The following ADAMTS19 variants were observed in gnomAD, a reference collection of about 807,000 sequenced individuals.
ADAMTS19 encodes ADAM metallopeptidase with thrombospondin type 1 motif 19, also known as A disintegrin and metalloproteinase with thrombospondin motifs 19.
Under a neutral mutation model 153.3 loss-of-function variants are expected in ADAMTS19, and 93 were observed. The observed-to-expected ratio is 0.61, with a 90% CI of 0.51 to 0.72. The LOEUF is 0.72. Ranked by LOEUF, ADAMTS19 falls within the 30% of genes least tolerant of loss-of-function variation. The probability of loss-of-function intolerance (pLI) is 0.00; values close to 1 mark genes in which losing one functional copy is unlikely to be tolerated. For synonymous variants in ADAMTS19, 600 were observed against 556.6 expected (o/e 1.08, Z -1.10); for missense variants, 1,482 against 1,552.1 (o/e 0.95, Z 0.76).
intron 16 of ADAMTS19, among the ~76,000 whole-genome samples, chr5:129,668,119 G>T (rs750006500): frequency 5.9e-5 from 9 of 152,130 alleles, no homozygotes; most frequent in Non-Finnish European, 1.0e-4. Context: ...TCTAGTGGCT[G>T]CCAGCATTCC....
intron 7 of ADAMTS19, among the ~76,000 whole-genome samples, chr5:129,572,870 CACAGAGGACAGT>C (rs1302756858): frequency 1.3e-5 from 2 of 151,878 alleles, no homozygotes. Context: ...AGTGTTAAAA[CACAGAGGACAGT>C]ACAGTAAAAA....
chr5:129,538,509 C>T (rs73787549), intron 6 of ADAMTS19, among the ~76,000 whole-genome samples: 2,056 of 152,152 alleles, frequency 0.014, 43 homozygotes, highest in African/African-American at 0.046. Flanking sequence ...GCATGTTGAA[C>T]TGACCACTCT....
intron 7 of ADAMTS19, among the ~76,000 whole-genome samples, chr5:129,587,650 C>T (rs6877447): frequency 6.6e-6 from 1 of 152,040 alleles, no homozygotes; most frequent in Non-Finnish European, 1.5e-5. Context: ...ATTTAAAATA[C>T]CATTCCATGC....
chr5:129,543,298 C>T (rs746462177), intron 6 of ADAMTS19, among the ~76,000 whole-genome samples: 18 of 152,026 alleles, frequency 1.2e-4, no homozygotes, highest in South Asian at 4.1e-4. Flanking sequence ...GTGATTCACA[C>T]GCCTCGGCCT....
At chr5:129,702,941 A>AAAATATATATATATATATATATATATAT in intron 20 of ADAMTS19, among the ~76,000 whole-genome samples, 2 of 29,310 alleles carry the variant, frequency 6.8e-5, no homozygotes, top group Admixed American at 4.6e-4. Context: ...AAAAAAAAAA[A>AAAATATATATATATATATATATATATAT]ATATATATAT....
intron 7 of ADAMTS19, among the ~76,000 whole-genome samples, chr5:129,552,247 G>T (rs1341106011): frequency 6.6e-6 from 1 of 150,950 alleles, no homozygotes; most frequent in Non-Finnish European, 1.5e-5. Flanking sequence ...TGACTAATTT[G>T]CAGGATAACA....
At chr5:129,663,116 G>C (rs995482065) in intron 15 of ADAMTS19, among the ~76,000 whole-genome samples, 1 of 151,930 alleles carries the variant, frequency 6.6e-6, no homozygotes, top group African/African-American at 2.4e-5. Context: ...GGATGGTCTT[G>C]ATCTCCTGAC....
At chr5:129,466,478 T>C (rs1041227893) in intron 2 of ADAMTS19, among the ~76,000 whole-genome samples, 7 of 151,976 alleles carry the variant, frequency 4.6e-5, no homozygotes, top group African/African-American at 1.7e-4. Context: ...AACAAACTGC[T>C]ATCCATAAAA....
Position 129,713,799 on chromosome 5 carries a change from C to T in ADAMTS19, c.3312+9408C>T, listed in dbSNP as rs116258828. ...AAATTAACAAAATGTTTTTAACAAA[C>T]AGAGCCATGGGCCCTGAGCTGGGGG... is the stretch of plus-strand genomic sequence containing the variant. On this transcript the variant is annotated intron_variant, in intron 21 of 22. Coordinates refer to ENST00000274487, the MANE Select transcript of ADAMTS19 (RefSeq NM_133638.6). Among the ~76,000 whole-genome samples, 945 of 141,992 alleles carry T rather than the reference C, an allele frequency of 6.7e-3. 11 individuals carry two copies. The highest frequency in any genetic ancestry group is 0.022 in the African/African-American group (862 of 38,568). The allele number at this position is 141,992 out of a possible 152,430, so 93.2% of individuals were successfully genotyped here.
chr5:129,527,668 C>T, intron 4 of ADAMTS19, 80 bp from the exon 5 acceptor site: 1 of 413,948 alleles, frequency 2.4e-6, no homozygotes, highest in Non-Finnish European at 4.3e-6. Flanking sequence ...TAAATTGAGA[C>T]ATCTCCATGT....
intron 21 of ADAMTS19, among the ~76,000 whole-genome samples, chr5:129,706,754 A>G (rs1756175361): frequency 6.6e-6 from 1 of 152,166 alleles, no homozygotes; most frequent in Non-Finnish European, 1.5e-5. Context: ...TGCTTGACAA[A>G]TACTATTACT....
Position 129,526,511 on chromosome 5 carries a change from CAT to C in ADAMTS19, c.1086+56_1086+57del, listed in dbSNP as rs566205714. On this transcript the variant is annotated intron_variant, in intron 4 of 22. Coordinates refer to ENST00000274487, the MANE Select transcript of ADAMTS19 (RefSeq NM_133638.6). ...TTTTTCAAGAAAACTCTAAGGAAGA[CAT>C]GTGTGAGTATTTATAATGAAATTCT... 1.3e-3 allele frequency: 1,922 copies of C among 1,463,516 alleles called. 16 individuals are homozygous for C. The African/African-American group carries it at 0.023, about 18-fold the overall frequency. 90.7% of individuals were successfully genotyped at this position (1,463,516 alleles called of 1,614,324 possible).
chr5:129,535,972 T>A (rs1160367394), intron 6 of ADAMTS19, among the ~76,000 whole-genome samples: 2 of 152,128 alleles, frequency 1.3e-5, no homozygotes, highest in African/African-American at 4.8e-5. Flanking sequence ...GAAGAACACC[T>A]AGGCAATACC....
At chr5:129,473,841 AG>A (rs1405477004) in intron 2 of ADAMTS19, among the ~76,000 whole-genome samples, 2 of 152,134 alleles carry the variant, frequency 1.3e-5, no homozygotes, top group African/African-American at 4.8e-5. Flanking sequence ...TGATTTTTTC[AG>A]GGTAAATCAG....
In ADAMTS19 at chr5:129,489,065, G is replaced by A. The variant is rs577829050; in HGVS notation, c.748-20012G>A. Among the ~76,000 whole-genome samples the A allele has an allele frequency of 3.3e-5, 5 of 152,124 alleles. No homozygotes were observed. The South Asian group carries it at 6.2e-4, about 19-fold the overall frequency. On this transcript the variant is annotated intron_variant, in intron 2 of 22. Transcript: ENST00000274487. ...AGTTGGCTCTTAGTTTTCTAGGTGC[G>A]TGAACAATTTAGCTATAATTTCCTG...
Position 129,734,943 on chromosome 5 carries a change from C to T in ADAMTS19, c.3324C>T (p.Thr1108=). ...RMGDWSKCSI[T]CGKGMQSRVI... ...TGTATTTCTCCTAGTGCTCAATTAC[C>T]TGTGGCAAAGGAATGCAGTCCCGTG... Residue 1108 remains threonine (T), a synonymous_variant, in exon 22 of 23, where the codon ACC becomes ACT. Coordinates refer to ENST00000274487, the MANE Select transcript of ADAMTS19 (RefSeq NM_133638.6). 1.3e-6 allele frequency: 2 copies of T among 1,574,568 alleles called. No homozygotes were observed. Among genetic ancestry groups the T allele is most frequent in the South Asian group, 1.2e-5 (1 of 83,878 alleles).
At chr5:129,501,653 A>G (rs916899104) in intron 2 of ADAMTS19, among the ~76,000 whole-genome samples, 2 of 151,998 alleles carry the variant, frequency 1.3e-5, no homozygotes, top group African/African-American at 2.4e-5. Context: ...TTTACTACAT[A>G]CTGATTTGTG....
At chr5:129,655,423 T>G (rs1179804882) in intron 14 of ADAMTS19, among the ~76,000 whole-genome samples, 1 of 152,192 alleles carries the variant, frequency 6.6e-6, no homozygotes, top group Non-Finnish European at 1.5e-5. Flanking sequence ...ATAAATCCTT[T>G]GGCAATGAAA....
At chr5:129,534,175 G>A (rs1158779081) in intron 6 of ADAMTS19, among the ~76,000 whole-genome samples, 1 of 152,046 alleles carries the variant, frequency 6.6e-6, no homozygotes, top group Non-Finnish European at 1.5e-5. Flanking sequence ...TCATTGATCT[G>A]TCTAATGTTG....
Sources: allele counts gnomAD v4.1 joint callset (sites outside exome capture counted in the v4.1 genomes callset), GRCh38; gene constraint gnomAD v4.1.1; transcripts MANE v1.5; gene names NCBI Gene and HGNC (gene_info 2026-07-23, HGNC 2026-07-21).